FER: variants seen among roughly 807,000 people sequenced by gnomAD.
The protein encoded by FER is tyrosine-protein kinase Fer.
In FER, 63 loss-of-function variants were observed where a neutral mutation model predicts 111.0. The observed-to-expected ratio is 0.57, with a 90% CI of 0.46 to 0.70. The LOEUF (loss-of-function observed/expected upper bound fraction) is 0.70. FER is among the 30% of genes least tolerant of loss of function. The probability of loss-of-function intolerance (pLI) is 0.00; values close to 1 mark genes in which losing one functional copy is unlikely to be tolerated. For missense variants in FER, 914 were observed against 954.0 expected, an observed-to-expected ratio of 0.96 and a Z score of 0.55; for synonymous variants, 327 against 313.9, an observed-to-expected ratio of 1.04 and a Z score of -0.44.
intron 13 of FER, among the ~76,000 whole-genome samples, chr5:108,964,747 T>G (rs1581422346): frequency 6.6e-6 from 1 of 152,156 alleles, no homozygotes; most frequent in South Asian, 2.1e-4. Context: ...AACAAAAGAT[T>G]TATGTTTAAT....
chr5:108,795,394 CT>C (rs1380392302), intron 2 of FER, among the ~76,000 whole-genome samples: 244 of 114,474 alleles, frequency 2.1e-3, no homozygotes, highest in Admixed American at 2.6e-3. Context: ...TTTTTGTTTT[CT>C]TTTTTTTTTT....
chr5:109,170,131 T>C (rs1294514186), intron 17 of FER, among the ~76,000 whole-genome samples: 1 of 152,198 alleles, frequency 6.6e-6, no homozygotes, highest in African/African-American at 2.4e-5. Context: ...AGTGTGACTA[T>C]GTATATCACT....
intron 10 of FER, among the ~76,000 whole-genome samples, chr5:108,898,092 A>G (rs895446513): frequency 6.6e-6 from 1 of 152,174 alleles, no homozygotes; most frequent in Admixed American, 6.5e-5. Context: ...AACTGAAAGG[A>G]AAGACTGCAG....
chr5:109,011,165 A>G (rs1466628998), intron 13 of FER, among the ~76,000 whole-genome samples: 1 of 152,168 alleles, frequency 6.6e-6, no homozygotes, highest in Admixed American at 6.5e-5. Context: ...TTTTCAAATT[A>G]TATAATCAGC....
intron 3 of FER, among the ~76,000 whole-genome samples, chr5:108,831,323 G>T (rs922600649): frequency 1.3e-5 from 2 of 151,908 alleles, no homozygotes; most frequent in Admixed American, 1.3e-4. Context: ...ACACTGCATA[G>T]TTTGAAGTGA....
At chr5:109,100,568 TG>T in intron 17 of FER, 49 bp downstream of exon 17, 1 of 1,541,676 alleles carries the variant, frequency 6.5e-7, no homozygotes, top group South Asian at 1.2e-5. Context: ...AATAGAATGC[TG>T]GAAAACTGAT....
At chr5:108,939,970 T>TGTACTTA (rs1313985923) in intron 10 of FER, among the ~76,000 whole-genome samples, 1 of 152,094 alleles carries the variant, frequency 6.6e-6, no homozygotes, top group Non-Finnish European at 1.5e-5. Context: ...AAATGAAATA[T>TGTACTTA]GTACTTAGTA....
chr5:108,929,676 T>C (rs1263520262), intron 10 of FER, among the ~76,000 whole-genome samples: 2 of 152,126 alleles, frequency 1.3e-5, no homozygotes, highest in Non-Finnish European at 2.9e-5. Flanking sequence ...ATAGGTTTTC[T>C]GTGAATGAAG....
chr5:109,081,325 C>T (rs890870818), intron 16 of FER, among the ~76,000 whole-genome samples: 2 of 151,992 alleles, frequency 1.3e-5, no homozygotes, highest in Admixed American at 6.6e-5. Context: ...AAGTACTTGT[C>T]CTAAGAAAAA....
At chr5:109,102,943 C>T (rs571391420) in intron 17 of FER, among the ~76,000 whole-genome samples, 3 of 151,852 alleles carry the variant, frequency 2.0e-5, no homozygotes, top group Non-Finnish European at 4.4e-5. Context: ...ATAGTAGTTG[C>T]AATAGAATTT....
chr5:109,165,257 A>G (rs1756409131), intron 17 of FER, among the ~76,000 whole-genome samples: 1 of 152,180 alleles, frequency 6.6e-6, no homozygotes, highest in Non-Finnish European at 1.5e-5. Flanking sequence ...CCCCTACAAG[A>G]GGTGATCATT....
chr5:109,056,871 A>G (rs1339349943), intron 16 of FER, among the ~76,000 whole-genome samples: 1 of 152,192 alleles, frequency 6.6e-6, no homozygotes, highest in Non-Finnish European at 1.5e-5. Flanking sequence ...AAAATCAGGT[A>G]GTATTAGTCC....
At chr5:109,020,489 A>T (rs1401394001) in intron 13 of FER, among the ~76,000 whole-genome samples, 2 of 151,998 alleles carry the variant, frequency 1.3e-5, no homozygotes, top group Admixed American at 6.6e-5. Context: ...ATTCCTTCAG[A>T]TCATTAACTT....
intron 9 of FER, among the ~76,000 whole-genome samples, chr5:108,892,130 G>T (rs963083400): frequency 2.0e-5 from 3 of 152,100 alleles, no homozygotes; most frequent in African/African-American, 7.2e-5. Flanking sequence ...AAACATACGT[G>T]TGCATGTGTC....
chr5:109,018,720 TATA>T (rs1214133902), intron 13 of FER, among the ~76,000 whole-genome samples: 1 of 151,812 alleles, frequency 6.6e-6, no homozygotes, highest in African/African-American at 2.4e-5. Flanking sequence ...ATGGCATAGA[TATA>T]ATAATTATTT....
At chr5:109,185,571 A>G (rs1758771369) in intron 18 of FER, among the ~76,000 whole-genome samples, 1 of 152,186 alleles carries the variant, frequency 6.6e-6, no homozygotes, top group African/African-American at 2.4e-5. Context: ...AATATAAGCC[A>G]TCTATCTCAT....
At chr5:109,008,888 T>G (rs528947635) in intron 13 of FER, among the ~76,000 whole-genome samples, 1 of 152,134 alleles carries the variant, frequency 6.6e-6, no homozygotes, top group East Asian at 1.9e-4. Flanking sequence ...GAGAATTGCT[T>G]GAACCTGGGA....
intron 2 of FER, among the ~76,000 whole-genome samples, chr5:108,794,221 T>C (rs910721131): frequency 1.3e-4 from 19 of 150,862 alleles, no homozygotes; most frequent in Admixed American, 2.6e-4. Flanking sequence ...CTTTTTTTTT[T>C]CTTTTTTTTT....
At chr5:108,791,704 G>A (rs1181135787) in intron 2 of FER, among the ~76,000 whole-genome samples, 2 of 151,914 alleles carry the variant, frequency 1.3e-5, no homozygotes, top group Non-Finnish European at 2.9e-5. Context: ...CAACTAATGT[G>A]TTTTTATTTT....
Sources: gnomAD v4.1 joint callset for allele counts (sites outside exome capture counted in the v4.1 genomes callset) on GRCh38, gnomAD v4.1.1 for gene constraint, MANE v1.5 for transcripts, NCBI Gene and HGNC (gene_info 2026-07-23, HGNC 2026-07-21) for gene names.